The following PDE1A variants were observed in gnomAD, a reference collection of about 807,000 sequenced individuals.
The protein encoded by PDE1A is dual specificity calcium/calmodulin-dependent 3',5'-cyclic nucleotide phosphodiesterase 1A.
Under a neutral mutation model 61.7 loss-of-function variants are expected in PDE1A, and 35 were observed. That is an observed-to-expected ratio of 0.57 (90% confidence interval 0.43 to 0.75). The LOEUF (loss-of-function observed/expected upper bound fraction) is 0.75, where lower values mean the gene tolerates loss of function less well. PDE1A is among the 30% of genes least tolerant of loss of function. The probability of loss-of-function intolerance (pLI) is 0.00; values close to 1 mark genes in which losing one functional copy is unlikely to be tolerated. For missense variants in PDE1A, 597 were observed against 630.6 expected (o/e 0.95, Z 0.57); for synonymous variants, 232 against 213.2 (o/e 1.09, Z -0.77).
At chr2:182,247,833 G>A (rs752885459) in intron 2 of PDE1A, among the ~76,000 whole-genome samples, 3 of 152,132 alleles carry the variant, frequency 2.0e-5, no homozygotes, top group Non-Finnish European at 2.9e-5. Context: ...AGAAATTTGT[G>A]CAAGGAGGAT....
chr2:182,440,302 T>C (rs1029624246), intron 2 of PDE1A, among the ~76,000 whole-genome samples: 1 of 152,074 alleles, frequency 6.6e-6, no homozygotes, highest in Non-Finnish European at 1.5e-5. Context: ...CTGAGCCAGC[T>C]GACCCGAGGA....
chr2:182,651,773 C>T, the PDE1A span, among the ~76,000 whole-genome samples: 1 of 152,146 alleles, frequency 6.6e-6, no homozygotes, highest in Non-Finnish European at 1.5e-5. Flanking sequence ...TTAACATACA[C>T]TGATTAAAAT....
the PDE1A span, among the ~76,000 whole-genome samples, chr2:182,562,841 G>A: frequency 1.5e-3 from 231 of 152,198 alleles, 3 homozygotes; most frequent in African/African-American, 4.4e-3. Context: ...GTTTATTTGC[G>A]TAGAGGTGTT....
At chr2:182,673,951 C>A in the PDE1A span, among the ~76,000 whole-genome samples, 9 of 146,340 alleles carry the variant, frequency 6.2e-5, no homozygotes, top group East Asian at 1.8e-3. Context: ...AATAGTGATT[C>A]TTATAGAGTA....
At chr2:182,270,238 A>G (rs756380146) in intron 1 of PDE1A, among the ~76,000 whole-genome samples, 3 of 152,198 alleles carry the variant, frequency 2.0e-5, no homozygotes, top group African/African-American at 4.8e-5. Context: ...AAATCAAGCA[A>G]TTGCAGAAGA....
At chr2:182,156,001 G>T (rs1691061605) in intron 13 of PDE1A, among the ~76,000 whole-genome samples, 1 of 152,118 alleles carries the variant, frequency 6.6e-6, no homozygotes, top group South Asian at 2.1e-4. Flanking sequence ...AGTCTCATGA[G>T]ATCCAATGGT....
intron 6 of PDE1A, among the ~76,000 whole-genome samples, chr2:182,227,231 A>G (rs1689213733): frequency 6.6e-6 from 1 of 152,052 alleles, no homozygotes; most frequent in Admixed American, 6.6e-5. Context: ...ATGAATGGGT[A>G]GAAGCTAATA....
At chr2:182,234,534 C>A in intron 3 of PDE1A, 36 bp from the exon 4 acceptor site, 1 of 1,353,462 alleles carries the variant, frequency 7.4e-7, no homozygotes, top group Non-Finnish European at 1.0e-6. Flanking sequence ...ATATAAAATT[C>A]ATTTATTCAA....
upstream of PDE1A, among the ~76,000 whole-genome samples, chr2:182,526,706 A>T (rs767258813): frequency 3.3e-5 from 5 of 152,236 alleles, no homozygotes; most frequent in Admixed American, 6.5e-5. Flanking sequence ...AGTGGCATCC[A>T]AGGTTACCTA....
At chr2:182,453,215 G>C (rs1685643605) in intron 2 of PDE1A, among the ~76,000 whole-genome samples, 1 of 151,990 alleles carries the variant, frequency 6.6e-6, no homozygotes, top group African/African-American at 2.4e-5. Flanking sequence ...CTCCTCATTA[G>C]GGTAATTCCT....
At chr2:182,684,405 A>C in the PDE1A span, among the ~76,000 whole-genome samples, 1 of 152,208 alleles carries the variant, frequency 6.6e-6, no homozygotes, top group Admixed American at 6.5e-5. Flanking sequence ...AAACTAAACA[A>C]TTCTCACCAA....
chr2:182,322,489 T>C (rs1411707293), intron 1 of PDE1A, among the ~76,000 whole-genome samples: 2 of 152,202 alleles, frequency 1.3e-5, no homozygotes, highest in African/African-American at 4.8e-5. Context: ...CCTGCCGCCA[T>C]GTAAGATGTG....
At chr2:182,193,057 G>A (rs1247773180) in intron 10 of PDE1A, among the ~76,000 whole-genome samples, 2 of 151,840 alleles carry the variant, frequency 1.3e-5, no homozygotes, top group African/African-American at 4.8e-5. Context: ...GCATGGTATC[G>A]GCTCACTGCA....
the PDE1A span, among the ~76,000 whole-genome samples, chr2:182,583,009 C>T: frequency 2.0e-5 from 3 of 152,108 alleles, no homozygotes; most frequent in African/African-American, 7.2e-5. Flanking sequence ...ACAGCATAGC[C>T]CCAGAGAATG....
the PDE1A span, among the ~76,000 whole-genome samples, chr2:182,670,622 G>A: frequency 6.6e-6 from 1 of 152,156 alleles, no homozygotes; most frequent in Non-Finnish European, 1.5e-5. Flanking sequence ...GGGTGCCGAA[G>A]CCTCTTTTTA....
chr2:182,293,864 A>T (rs778156477), intron 1 of PDE1A, among the ~76,000 whole-genome samples: 1 of 152,172 alleles, frequency 6.6e-6, no homozygotes, highest in Non-Finnish European at 1.5e-5. Flanking sequence ...GGTGAATGAC[A>T]TAGGCATTGT....
chr2:182,274,643 G>A (rs913745045), intron 1 of PDE1A, among the ~76,000 whole-genome samples: 2 of 152,036 alleles, frequency 1.3e-5, no homozygotes, highest in African/African-American at 4.8e-5. Context: ...GTTGTTATAT[G>A]TATTATAAAA....
At chr2:182,275,128 G>A (rs538150726) in intron 1 of PDE1A, among the ~76,000 whole-genome samples, 1 of 152,072 alleles carries the variant, frequency 6.6e-6, no homozygotes, top group Non-Finnish European at 1.5e-5. Flanking sequence ...GCAACTGCAG[G>A]AAGCTTTTGG....
chr2:182,536,638 C>G, the PDE1A span, among the ~76,000 whole-genome samples: 1 of 152,118 alleles, frequency 6.6e-6, no homozygotes, highest in Non-Finnish European at 1.5e-5. Context: ...ATTTTCCAAA[C>G]ATGGATAATA....
Sources: gnomAD v4.1 joint callset for allele counts (sites outside exome capture counted in the v4.1 genomes callset) on GRCh38, gnomAD v4.1.1 for gene constraint, MANE v1.5 for transcripts, NCBI Gene and HGNC (gene_info 2026-07-23, HGNC 2026-07-21) for gene names.